Variants in MME observed in about 807,000 individuals in gnomAD.
MME encodes neprilysin.
A neutral mutation model predicts 113.2 loss-of-function variants in MME; 98 were observed. The observed-to-expected ratio is 0.87, with a 90% confidence interval of 0.74 to 1.02. The LOEUF is 1.02. MME is among the 50% of genes least tolerant of loss of function. The probability of loss-of-function intolerance (pLI) is 0.00; values close to 1 mark genes in which losing one functional copy is unlikely to be tolerated. For synonymous variants in MME, 292 were observed against 300.6 expected (o/e 0.97, Z 0.30); for missense variants, 836 against 896.0 (o/e 0.93, Z 0.86).
intron 3 of MME, among the ~76,000 whole-genome samples, chr3:155,105,737 C>A (rs143205318): frequency 6.6e-6 from 1 of 152,080 alleles, no homozygotes; most frequent in Non-Finnish European, 1.5e-5. Context: ...AATATAGTTA[C>A]CATACAAGGT....
chr3:155,118,771 CT>C lies in MME; in HGVS notation c.682del (p.Ser228LeufsTer22). 1 of 1,602,784 alleles carries C rather than the reference CT, an allele frequency of 6.2e-7. No individual in the cohort carries two copies. Among genetic ancestry groups the C allele is most frequent in the Non-Finnish European group, 8.5e-7 (1 of 1,171,340 alleles). ...ATTGACCAACCTCGACTTGGCCTCC[CT>C]TCTAGAGATTACTATGAATGCACTG... ...IHIDQPRLGL[P>X]SRDYYECTGI... On this transcript the variant is annotated frameshift_variant, in exon 8 of 23. Coordinates refer to ENST00000360490, the MANE Select transcript of MME (RefSeq NM_007289.4). LOFTEE classifies it high-confidence loss of function.
chr3:155,034,470 G>T (rs2108115741), intron 1 of MME, among the ~76,000 whole-genome samples: 1 of 152,244 alleles, frequency 6.6e-6, no homozygotes, highest in Admixed American at 6.5e-5. Context: ...ATGTTTTCCT[G>T]GCCTTGTGCA....
chr3:155,083,710 G>A (rs1173702912), intron 1 of MME: 2 of 176,340 alleles, frequency 1.1e-5, no homozygotes, highest in Non-Finnish European at 2.4e-5. Flanking sequence ...CAAGGTATTA[G>A]TCACTGGTTT....
intron 8 of MME, among the ~76,000 whole-genome samples, chr3:155,124,773 G>T (rs1435632211): frequency 1.5e-4 from 22 of 149,922 alleles, no homozygotes; most frequent in South Asian, 4.3e-4. Flanking sequence ...GCAGTCTGCC[G>T]GTTCTCAGAT....
chr3:155,085,356 T>C (rs1484604616), intron 3 of MME: 1 of 281,520 alleles, frequency 3.6e-6, no homozygotes, highest in African/African-American at 2.2e-5. Flanking sequence ...TGTATGGAGC[T>C]TGCCATGTAG....
intron 1 of MME, among the ~76,000 whole-genome samples, chr3:155,064,736 A>T (rs1576679164): frequency 6.6e-6 from 1 of 152,312 alleles, no homozygotes; most frequent in East Asian, 1.9e-4. Flanking sequence ...ACAAAGTGCA[A>T]CTGGTGCTTA....
At chr3:155,025,843 C>A (rs1466413094) in intron 1 of MME, among the ~76,000 whole-genome samples, 1 of 150,642 alleles carries the variant, frequency 6.6e-6, no homozygotes, top group Non-Finnish European at 1.5e-5. Context: ...TACAGGTGCC[C>A]GCCACCATAC....
At chr3:155,132,752 G>A (rs1720236936) in intron 8 of MME, among the ~76,000 whole-genome samples, 1 of 151,904 alleles carries the variant, frequency 6.6e-6, no homozygotes, top group African/African-American at 2.4e-5. Flanking sequence ...TACTTTTTAA[G>A]TGTTAAAATA....
chr3:155,067,573 T>G (rs972148795), intron 1 of MME, among the ~76,000 whole-genome samples: 1 of 152,108 alleles, frequency 6.6e-6, no homozygotes, highest in African/African-American at 2.4e-5. Context: ...CCTCCCAAAG[T>G]GCTGGGATTA....
intron 8 of MME, among the ~76,000 whole-genome samples, chr3:155,134,743 G>T (rs1416201624): frequency 6.6e-6 from 1 of 152,062 alleles, no homozygotes; most frequent in Non-Finnish European, 1.5e-5. Context: ...AAACTAGTTT[G>T]CATTTTCACC....
chr3:155,071,052 G>T (rs888465562), intron 1 of MME, among the ~76,000 whole-genome samples: 2 of 152,188 alleles, frequency 1.3e-5, no homozygotes, highest in Non-Finnish European at 2.9e-5. Flanking sequence ...TTGGTATGTG[G>T]TGATGGGCAT....
At chr3:155,089,600 C>T (rs78476037) in intron 3 of MME, among the ~76,000 whole-genome samples, 1,731 of 152,290 alleles carry the variant, frequency 0.011, 33 homozygotes, top group African/African-American at 0.039. Context: ...CTGGTTTAAA[C>T]GGTCTCAAGA....
At chr3:155,096,657 G>A (rs560576012) in intron 3 of MME, among the ~76,000 whole-genome samples, 89 of 152,206 alleles carry the variant, frequency 5.8e-4, no homozygotes, top group Middle Eastern at 3.2e-3. Flanking sequence ...CACTTATTTG[G>A]ATGAGTATTA....
chr3:155,165,953 T>C (rs1196788241), intron 17 of MME, among the ~76,000 whole-genome samples: 1 of 152,196 alleles, frequency 6.6e-6, no homozygotes, highest in Non-Finnish European at 1.5e-5. Context: ...TTGTGAGACA[T>C]CTGAATGGAG....
intron 1 of MME, among the ~76,000 whole-genome samples, chr3:155,037,130 A>G (rs921152802): frequency 3.3e-5 from 5 of 152,226 alleles, no homozygotes; most frequent in African/African-American, 9.6e-5. Flanking sequence ...CTATAGCTTT[A>G]TAGCAAGACT....
At chr3:155,101,549 T>C (rs1717224504) in intron 3 of MME, among the ~76,000 whole-genome samples, 1 of 152,178 alleles carries the variant, frequency 6.6e-6, no homozygotes, top group African/African-American at 2.4e-5. Flanking sequence ...CCCATAGGGA[T>C]TTCACTCCTG....
At chr3:155,119,207 C>A (rs946461022) in intron 8 of MME, among the ~76,000 whole-genome samples, 1 of 152,082 alleles carries the variant, frequency 6.6e-6, no homozygotes, top group African/African-American at 2.4e-5. Flanking sequence ...CTGCAGCATC[C>A]TTCTGGAACC....
intron 22 of MME, among the ~76,000 whole-genome samples, chr3:155,179,626 G>C (rs929610963): frequency 6.6e-6 from 1 of 152,156 alleles, no homozygotes; most frequent in African/African-American, 2.4e-5. Flanking sequence ...GGAAGGAGGT[G>C]GTTCAGGGTT....
chr3:155,052,308 G>T (rs1713790777), intron 1 of MME, among the ~76,000 whole-genome samples: 1 of 152,232 alleles, frequency 6.6e-6, no homozygotes, highest in African/African-American at 2.4e-5. Context: ...CTACTGAGCA[G>T]TGTCTCTGTG....
Sources: gnomAD v4.1 joint callset for allele counts (sites outside exome capture counted in the v4.1 genomes callset) on GRCh38, gnomAD v4.1.1 for gene constraint, MANE v1.5 for transcripts, NCBI Gene and HGNC (gene_info 2026-07-23, HGNC 2026-07-21) for gene names.